The following ABHD18 variants were observed in gnomAD, a reference collection of about 807,000 sequenced individuals.
ABHD18 encodes the protein abhydrolase domain containing 18.
A neutral mutation model predicts 65.9 loss-of-function variants in ABHD18; 55 were observed. That is an observed-to-expected ratio of 0.84 (90% CI 0.67 to 1.05). The LOEUF is 1.05. ABHD18 is among the 50% of genes least tolerant of loss of function. The probability of loss-of-function intolerance (pLI) is 0.00; values close to 1 mark genes in which losing one functional copy is unlikely to be tolerated. For synonymous variants in ABHD18, 181 were observed against 180.2 expected, an observed-to-expected ratio of 1.00 and a Z score of -0.04; for missense variants, 533 against 558.5, an observed-to-expected ratio of 0.95 and a Z score of 0.46.
chr4:128,038,123 T>C lies in ABHD18; in HGVS notation c.*2310T>C, dbSNP rs1417572193. On this transcript the variant is annotated 3_prime_UTR_variant, in exon 13 of 13. Coordinates refer to ENST00000645843, the MANE Select transcript of ABHD18 (RefSeq NM_001358451.3). ...CTCTATCATCTTAATTTTTTACAAA[T>C]ATTTAAAAATTATTAATGTGAAGTT... The C allele has an allele frequency of 1.3e-5, 2 of 152,222 alleles. No homozygotes were observed. The allele number at this position is 152,222 out of a possible 1,614,324, so 9.4% of individuals were successfully genotyped here. A position where few individuals can be genotyped will look rare whatever the true frequency, so the allele number is the denominator to read the frequency against.
At chr4:128,021,752 C>T (rs1236942371) in intron 10 of ABHD18, among the ~76,000 whole-genome samples, 1 of 150,186 alleles carries the variant, frequency 6.7e-6, no homozygotes, top group Non-Finnish European at 1.5e-5. Context: ...AAGGCAAACA[C>T]ACTGTAACTA....
At chr4:127,978,573 C>T (rs1748410303) in intron 1 of ABHD18, among the ~76,000 whole-genome samples, 1 of 152,114 alleles carries the variant, frequency 6.6e-6, no homozygotes, top group South Asian at 2.1e-4. Context: ...TGATTCTGTA[C>T]TAGGTGTAGC....
chr4:128,008,261 CTTTTTTTT>C (rs1167728243), intron 4 of ABHD18, among the ~76,000 whole-genome samples: 2 of 97,772 alleles, frequency 2.0e-5, no homozygotes, highest in Non-Finnish European at 3.9e-5. Context: ...GACTCCGTTC[CTTTTTTTT>C]TTTTTTTTTT....
At position 128,013,807 on chromosome 4, in the gene ABHD18, G is replaced by A. The variant is rs1754999131; in HGVS notation, c.470+2107G>A. ...TGGAAAGTGCTGGAGATGTAGATTT[G>A]GAAGTCCCATGTTCTATGTGGTCAT... is the stretch of plus-strand genomic sequence containing the variant. On this transcript the variant is annotated intron_variant, in intron 7 of 12. Coordinates refer to ENST00000645843, the MANE Select transcript of ABHD18 (RefSeq NM_001358451.3). Among the ~76,000 whole-genome samples, 3 of 152,086 alleles carry A rather than the reference G, an allele frequency of 2.0e-5. No homozygotes were observed. The South Asian group carries it at 6.2e-4, about 31-fold the overall frequency.
chr4:127,973,770 T>A (rs1316442633), intron 1 of ABHD18, among the ~76,000 whole-genome samples: 2 of 137,002 alleles, frequency 1.5e-5, no homozygotes, highest in Non-Finnish European at 3.0e-5. Context: ...GACAGGGGGC[T>A]GTGGATAGCC....
In ABHD18 at chr4:128,039,774, T is replaced by G. The variant is rs1560963884; in HGVS notation, c.*3961T>G. The G allele has an allele frequency of 6.6e-6, 1 of 152,194 alleles. No homozygotes were observed. 9.4% of individuals were successfully genotyped at this position (152,194 alleles called of 1,614,324 possible). On this transcript the variant is annotated 3_prime_UTR_variant, in exon 13 of 13. Coordinates refer to ENST00000645843, the MANE Select transcript of ABHD18 (RefSeq NM_001358451.3). ...ACGGTAGACACATGTCACATTTGAT[T>G]AATGTACCCAAACTTGAACTGAGTG...
At chr4:128,011,479 GT>G (rs33994912) in intron 6 of ABHD18, among the ~76,000 whole-genome samples, 193 bp from the exon 7 acceptor site, 6,116 of 141,052 alleles carry the variant, frequency 0.043, 330 homozygotes, top group East Asian at 0.27. Context: ...AGTAAAGCTG[GT>G]TTTTTTTTTT....
chr4:128,030,434 T>C, intron 11 of ABHD18, 76 bp from the exon 12 acceptor site: 1 of 1,039,866 alleles, frequency 9.6e-7, no homozygotes, highest in Non-Finnish European at 1.3e-6. Context: ...TTGACGAATG[T>C]TTTATTTACT....
intron 7 of ABHD18, among the ~76,000 whole-genome samples, chr4:128,014,599 A>C (rs1432667521): frequency 6.6e-6 from 1 of 152,154 alleles, no homozygotes; most frequent in African/African-American, 2.4e-5. Context: ...TAATGGCCCT[A>C]TGTATTTGAT....
chr4:128,037,144 A>G lies in ABHD18; in HGVS notation c.*1331A>G, dbSNP rs1316648557. On this transcript the variant is annotated 3_prime_UTR_variant, in exon 13 of 13. Coordinates refer to ENST00000645843, the MANE Select transcript of ABHD18 (RefSeq NM_001358451.3). ...AAAAAAAAAAAAAAAAAAAAAAAAA[A>G]ATTAAGCCGGGCATGGTGGCAGGCA... 6.6e-6 allele frequency: 1 copy of G among 150,724 alleles called. No homozygotes were observed. Among genetic ancestry groups the G allele is most frequent in the African/African-American group, 2.5e-5 (1 of 40,150 alleles). The allele number at this position is 150,724 out of a possible 1,614,324, so 9.3% of individuals were successfully genotyped here.
rs116516363 is a variant in ABHD18 at position 127,982,110 on chromosome 4, C to A, written c.-17-829C>A. Among the ~76,000 whole-genome samples the A allele has an allele frequency of 6.4e-3, 973 of 152,076 alleles. 14 individuals carry two copies. The highest frequency in any genetic ancestry group is 0.022 in the African/African-American group (912 of 41,500). On this transcript the variant is annotated intron_variant, in intron 1 of 12. Coordinates refer to ENST00000645843, the MANE Select transcript of ABHD18 (RefSeq NM_001358451.3). ...GGGATGGTTTCAAAAAAATCTGAAG[C>A]AATGGATAAGTATTTCTTAAAGCCC...
intron 4 of ABHD18, among the ~76,000 whole-genome samples, chr4:127,995,716 G>A (rs909380899): frequency 1.3e-5 from 2 of 151,770 alleles, no homozygotes; most frequent in South Asian, 4.2e-4. Context: ...TTATAAGCAG[G>A]GAAAATAATA....
At chr4:128,010,883 C>T (rs576109709) in intron 6 of ABHD18, among the ~76,000 whole-genome samples, 7 of 138,502 alleles carry the variant, frequency 5.1e-5, no homozygotes, top group South Asian at 2.2e-4. Flanking sequence ...CCAGCCTGGG[C>T]GACGGAGCAA....
At chr4:127,983,851 C>T (rs1477831795) in intron 2 of ABHD18, among the ~76,000 whole-genome samples, 3 of 150,516 alleles carry the variant, frequency 2.0e-5, no homozygotes, top group Non-Finnish European at 4.4e-5. Flanking sequence ...TGCGAGACTC[C>T]GTCTCAAAAA....
At chr4:127,991,009 G>C (rs749615693) in intron 4 of ABHD18, among the ~76,000 whole-genome samples, 1 of 151,916 alleles carries the variant, frequency 6.6e-6, no homozygotes, top group Non-Finnish European at 1.5e-5. Flanking sequence ...GATTATAAGC[G>C]TGTGCCACCA....
intron 9 of ABHD18, among the ~76,000 whole-genome samples, chr4:128,020,684 T>C (rs1173318076): frequency 6.6e-6 from 1 of 152,202 alleles, no homozygotes; most frequent in East Asian, 1.9e-4. Context: ...GAAAGCTGTT[T>C]ACTGGTCAAG....
In ABHD18 at chr4:128,032,895, A is replaced by G. The variant is rs538745996; in HGVS notation, c.1343+2223A>G. ...CGTATTGTAACTTTTGGCACCAGGA[A>G]GTAAACAAATTCAGATTCATTCCAC... On this transcript the variant is annotated intron_variant, in intron 12 of 12. Coordinates refer to ENST00000645843, the MANE Select transcript of ABHD18 (RefSeq NM_001358451.3). Among the ~76,000 whole-genome samples, 30 of 152,332 alleles carry G rather than the reference A, an allele frequency of 2.0e-4. No individual in the cohort carries two copies. The South Asian group carries it at 6.2e-3, about 32-fold the overall frequency.
At position 128,039,943 on chromosome 4, in the gene ABHD18, C is replaced by T. The variant is rs528281608; in HGVS notation, c.*4130C>T. The T allele has an allele frequency of 6.6e-6, 1 of 152,140 alleles. No individual in the cohort carries two copies. The highest frequency in any genetic ancestry group is 6.6e-5 in the Admixed American group (1 of 15,256). The allele number at this position is 152,140 out of a possible 1,614,324, so 9.4% of individuals were successfully genotyped here. A position where few individuals can be genotyped will look rare whatever the true frequency, so the allele number is the denominator to read the frequency against. On this transcript the variant is annotated 3_prime_UTR_variant, in exon 13 of 13. Coordinates refer to ENST00000645843, the MANE Select transcript of ABHD18 (RefSeq NM_001358451.3). ...GTGTGATCTGAGGGAAATAAACATT[C>T]TTACAGACCATAGTTATCTCAATGT...
chr4:128,026,282 T>A (rs1052031079), intron 10 of ABHD18, among the ~76,000 whole-genome samples: 1 of 149,056 alleles, frequency 6.7e-6, no homozygotes, highest in Non-Finnish European at 1.5e-5. Flanking sequence ...GAGCGAGACT[T>A]CTTCTGAACA....
Sources: gnomAD v4.1 joint callset for allele counts (sites outside exome capture counted in the v4.1 genomes callset) on GRCh38, gnomAD v4.1.1 for gene constraint, MANE v1.5 for transcripts, NCBI Gene and HGNC (gene_info 2026-07-23, HGNC 2026-07-21) for gene names.